Variants in MMEL1 observed in about 807,000 individuals in gnomAD.
The protein encoded by MMEL1 is membrane metalloendopeptidase like 1.
MMEL1 carries 98 observed loss-of-function variants against 117.1 expected under a neutral mutation model. The ratio of observed to expected loss-of-function variants is 0.84; its 90% CI spans 0.71 to 0.99. The LOEUF (loss-of-function observed/expected upper bound fraction) is 0.99, where lower values mean the gene tolerates loss of function less well. MMEL1 is among the 50% of genes least tolerant of loss of function. The probability of loss-of-function intolerance (pLI) is 0.00; values close to 1 mark genes in which losing one functional copy is unlikely to be tolerated. For missense variants in MMEL1, 1,014 were observed against 1,049.1 expected, an observed-to-expected ratio of 0.97 and a Z score of 0.46; for synonymous variants, 390 against 415.1, an observed-to-expected ratio of 0.94 and a Z score of 0.74.
At chr1:2,616,209 G>A (rs925466614) in intron 2 of MMEL1, among the ~76,000 whole-genome samples, 5 of 151,998 alleles carry the variant, frequency 3.3e-5, no homozygotes, top group South Asian at 4.2e-4. Flanking sequence ...GGGCATGATG[G>A]TGGACACCTG....
At position 2,612,346 on chromosome 1, in the gene MMEL1, G is replaced by A. The variant is rs1406396305; in HGVS notation, c.155-142C>T. ...CCCTGTAGTGAGGGCTGGTCCCCAG[G>A]GCAGCGAGACAGGAGATCCACAGAG... On this transcript the variant is annotated intron_variant, in intron 2 of 23. Coordinates refer to ENST00000378412, the MANE Select transcript of MMEL1 (RefSeq NM_033467.4). This position sits in a 1 kb window ranked among gnomAD's most constrained non-coding sequence, Gnocchi z 5.4. The A allele has an allele frequency of 9.1e-6, 6 of 658,646 alleles. No individual in the cohort carries two copies. Among genetic ancestry groups the A allele is most frequent in the Admixed American group, 8.0e-5 (3 of 37,410 alleles). 40.8% of individuals were successfully genotyped at this position (658,646 alleles called of 1,614,324 possible). A position where few individuals can be genotyped will look rare whatever the true frequency, so the allele number is the denominator to read the frequency against.
Position 2,629,402 on chromosome 1 carries a change from C to G in MMEL1, c.83G>C (p.Gly28Ala), listed in dbSNP as rs780812154. 5.8e-6 allele frequency: 9 copies of G among 1,546,336 alleles called. No homozygotes were observed. The highest frequency in any genetic ancestry group is 2.4e-5 in the East Asian group (1 of 40,818). ...CACCAGCAGCAGCAGCAGCAGCAGC[C>G]CCCCCTCCAGGAACCCCGGGCGCTT... ...GQKRPGFLEG[G>A]LLLLLLLVTA... The change falls in exon 2 of 24, where the codon GGG becomes GCG. Residue 28 changes from glycine to alanine, a missense_variant. Coordinates refer to ENST00000378412, the MANE Select transcript of MMEL1 (RefSeq NM_033467.4).
At chr1:2,619,699 T>C (rs1570705013) in intron 2 of MMEL1, among the ~76,000 whole-genome samples, 1 of 137,790 alleles carries the variant, frequency 7.3e-6, no homozygotes, top group South Asian at 2.4e-4. Context: ...CAAGGAACAA[T>C]AAAAAATCAA....
chr1:2,609,722 T>TGA lies in MMEL1; in HGVS notation c.400_401dup (p.Arg135GlnfsTer43). On this transcript the variant is annotated frameshift_variant, in exon 5 of 24. Coordinates refer to ENST00000378412, the MANE Select transcript of MMEL1 (RefSeq NM_033467.4). LOFTEE classifies it high-confidence loss of function. ...GGAGGACGTCAAAGATGCTGTATCT[T>TGA]GAGTTGGTCTCAGGGATCACGTGGC... is the stretch of plus-strand genomic sequence containing the variant. The TGA allele has an allele frequency of 3.1e-6, 5 of 1,613,674 alleles. No homozygotes were observed. The highest frequency in any genetic ancestry group is 4.2e-6 in the Non-Finnish European group (5 of 1,179,934).
intron 2 of MMEL1, among the ~76,000 whole-genome samples, chr1:2,620,211 C>T (rs1293259399): frequency 6.6e-6 from 1 of 152,168 alleles, no homozygotes; most frequent in African/African-American, 2.4e-5. Context: ...GGCAGTTAGG[C>T]TGACTGTACT....
chr1:2,629,487 G>C lies in MMEL1; in HGVS notation c.-3C>G, dbSNP rs1196662172. The C allele has an allele frequency of 6.6e-7, 1 of 1,503,956 alleles. No homozygotes were observed. The highest frequency in any genetic ancestry group is 2.1e-5 in the Admixed American group (1 of 48,656). 93.2% of individuals were successfully genotyped at this position (1,503,956 alleles called of 1,614,324 possible). On this transcript the variant is annotated 5_prime_UTR_variant, in exon 2 of 24. Coordinates refer to ENST00000378412, the MANE Select transcript of MMEL1 (RefSeq NM_033467.4). ...ACTGGGCCTTCGGACTTCCCCATCAGCAGGGCTCTGGACGGGAGAGCACCG... is the reference window on the plus strand; with the variant it reads ...ACTGGGCCTTCGGACTTCCCCATCACCAGGGCTCTGGACGGGAGAGCACCG...
chr1:2,603,514 C>T (rs1159928100), intron 11 of MMEL1, among the ~76,000 whole-genome samples: 1 of 152,118 alleles, frequency 6.6e-6, no homozygotes, highest in Admixed American at 6.5e-5. Flanking sequence ...GAGGAAGCAC[C>T]CTGCTAAGGT....
intron 11 of MMEL1, among the ~76,000 whole-genome samples, chr1:2,603,226 C>T (rs1327024040): frequency 1.3e-5 from 2 of 152,162 alleles, no homozygotes; most frequent in Non-Finnish European, 2.9e-5. Context: ...GGGCTTTGGA[C>T]CCCCTTCTGC....
intron 7 of MMEL1, 95 bp downstream of exon 7, chr1:2,606,879 G>A: frequency 4.4e-6 from 5 of 1,146,430 alleles, no homozygotes; most frequent in Non-Finnish European, 6.4e-6. Flanking sequence ...TGGGGGTGGG[G>A]GTGGGGTCCC....
intron 6 of MMEL1, 69 bp downstream of exon 6, chr1:2,609,270 G>C (rs1347910216): frequency 2.7e-5 from 40 of 1,490,304 alleles, no homozygotes; most frequent in Non-Finnish European, 3.6e-5. Flanking sequence ...CTGGGGCTGC[G>C]CTAGGCCCTG....
intron 2 of MMEL1, among the ~76,000 whole-genome samples, chr1:2,613,234 G>A (rs1315601804): frequency 6.6e-6 from 1 of 152,216 alleles, no homozygotes; most frequent in Non-Finnish European, 1.5e-5. Flanking sequence ...AGTGCTGAAG[G>A]GCAAGGCTGA....
rs758457332 is a variant in MMEL1, at chr1:2,611,269, G to A, written c.292+12C>T. 6.3e-7 allele frequency: 1 copy of A among 1,575,992 alleles called. No homozygotes were observed. The highest frequency in any genetic ancestry group is 1.2e-5 in the South Asian group (1 of 86,064). On this transcript the variant is annotated intron_variant, in intron 4 of 23. Coordinates refer to ENST00000378412, the MANE Select transcript of MMEL1 (RefSeq NM_033467.4). ...TTGGGCAGGCTGTGGACGGCAAGGG[G>A]GCGGGGCTTACCTGCTATCACGCAG...
Position 2,595,393 on chromosome 1 carries a change from C to G in MMEL1, c.1501-34G>C. ...GGAGGAGGGACTGGTCAGTGGGTGC[C>G]CCACTGCGGATGGAGTCAGCCCGGG... On this transcript the variant is annotated intron_variant, in intron 15 of 23. Coordinates refer to ENST00000378412, the MANE Select transcript of MMEL1 (RefSeq NM_033467.4). The surrounding 1 kb of genome is among the most constrained non-coding windows in gnomAD (Gnocchi z 4.8). The G allele has an allele frequency of 1.9e-6, 3 of 1,599,758 alleles. No individual in the cohort carries two copies. The highest frequency in any genetic ancestry group is 2.6e-6 in the Non-Finnish European group (3 of 1,167,714).
chr1:2,594,198 C>T, intron 18 of MMEL1, 187 bp downstream of exon 18: 2 of 804,084 alleles, frequency 2.5e-6, no homozygotes, highest in South Asian at 1.7e-5. Context: ...TGCCAAGTCC[C>T]TCCCGAAGCC....
In MMEL1 at chr1:2,612,094, T is replaced by C; in HGVS notation, c.232+33A>G. 2 of 1,547,336 alleles carry C rather than the reference T, an allele frequency of 1.3e-6. No individual in the cohort carries two copies. The highest frequency in any genetic ancestry group is 2.4e-5 in the South Asian group (2 of 84,606). On this transcript the variant is annotated intron_variant, in intron 3 of 23. Coordinates refer to ENST00000378412, the MANE Select transcript of MMEL1 (RefSeq NM_033467.4). This position sits in a 1 kb window ranked among gnomAD's most constrained non-coding sequence, Gnocchi z 5.4. ...CTTGGGAGGCCAGCGCCCACCTGCCTGGGGCTGTTTTGGAAGGGAAGGCAA... is the reference window on the plus strand; with the variant it reads ...CTTGGGAGGCCAGCGCCCACCTGCCCGGGGCTGTTTTGGAAGGGAAGGCAA...
intron 13 of MMEL1, 93 bp from the exon 14 acceptor site, chr1:2,596,782 C>T (rs1234371181): frequency 1.3e-6 from 2 of 1,488,304 alleles, no homozygotes; most frequent in African/African-American, 1.4e-5. Flanking sequence ...GCAGACCCAC[C>T]TATCCTCAGC....
Position 2,609,743 on chromosome 1 carries a change from G to A in MMEL1, c.381C>T (p.His127=), listed in dbSNP as rs745859490. ...ATCTTGAGTTGGTCTCAGGGATCAC[G>A]TGGCGCCGCAGCCAGCCTCCGCATG... is the stretch of plus-strand genomic sequence containing the variant. The part of the protein sequence containing the change: ...QFACGGWLRR[H]VIPETNSRYS... Residue 127 remains histidine, a synonymous_variant, in exon 5 of 24, where the codon CAC becomes CAT. Coordinates refer to ENST00000378412, the MANE Select transcript of MMEL1 (RefSeq NM_033467.4). 1.9e-6 allele frequency: 3 copies of A among 1,613,816 alleles called. No homozygotes were observed. The highest frequency in any genetic ancestry group is 2.5e-6 in the Non-Finnish European group (3 of 1,180,000).
At chr1:2,610,837 A>C (rs1317269598) in intron 4 of MMEL1, among the ~76,000 whole-genome samples, 2 of 151,950 alleles carry the variant, frequency 1.3e-5, no homozygotes, top group East Asian at 3.9e-4. Flanking sequence ...AGCCCCCAGC[A>C]CGGGCAGAAA....
At chr1:2,602,588 C>T (rs1388864422) in intron 11 of MMEL1, among the ~76,000 whole-genome samples, 1 of 152,206 alleles carries the variant, frequency 6.6e-6, no homozygotes, top group African/African-American at 2.4e-5. Context: ...TGCCACCTGC[C>T]CCGTCCCCTT....
Sources: allele counts gnomAD v4.1 joint callset (sites outside exome capture counted in the v4.1 genomes callset), GRCh38; gene constraint gnomAD v4.1.1; non-coding constraint Gnocchi (gnomAD v3.1); transcripts MANE v1.5; gene names NCBI Gene and HGNC (gene_info 2026-07-23, HGNC 2026-07-21).